ZFAND3: variants seen among roughly 807,000 people sequenced by gnomAD.
The protein encoded by ZFAND3 is zinc finger AN1-type containing 3, also known as AN1-type zinc finger protein 3.
In ZFAND3, 10 loss-of-function variants were observed where a neutral mutation model predicts 29.6. The observed-to-expected ratio is 0.34, with a 90% CI of 0.21 to 0.57. ZFAND3 has a LOEUF of 0.57. ZFAND3 is among the 20% of genes least tolerant of loss of function. The pLI is 0.86. For synonymous variants in ZFAND3, 128 were observed against 112.6 expected (o/e 1.14, Z -0.87); for missense variants, 230 against 304.5 (o/e 0.76, Z 1.82).
intron 2 of ZFAND3, among the ~76,000 whole-genome samples, chr6:37,950,472 G>C (rs769675379): frequency 1.3e-5 from 2 of 151,638 alleles, no homozygotes; most frequent in African/African-American, 4.8e-5. Flanking sequence ...CTGCCCCCTA[G>C]GTTCAAGAGA....
chr6:38,144,202 TATATATATAATATATA>T (rs1766039170), intron 5 of ZFAND3, among the ~76,000 whole-genome samples: 2 of 41,190 alleles, frequency 4.9e-5, no homozygotes, highest in Admixed American at 1.9e-4. Flanking sequence ...TATATATATA[TATATATATAATATATA>T]ATATATATAT....
At chr6:37,873,430 GCTAGAGC>G (rs1461339397) in intron 1 of ZFAND3, among the ~76,000 whole-genome samples, 1 of 152,202 alleles carries the variant, frequency 6.6e-6, no homozygotes. Flanking sequence ...TTGCTTGCTT[GCTAGAGC>G]CTGTCGAATT....
intron 2 of ZFAND3, among the ~76,000 whole-genome samples, chr6:38,051,472 C>A (rs1198094507): frequency 6.6e-6 from 1 of 152,216 alleles, no homozygotes; most frequent in African/African-American, 2.4e-5. Flanking sequence ...CCAGCAGTTA[C>A]GTTCATGCCA....
At position 37,908,540 on chromosome 6, in the gene ZFAND3, A is replaced by AT. The variant is rs756054734; in HGVS notation, c.72-21417dup. Among the ~76,000 whole-genome samples the AT allele has an allele frequency of 7.3e-3, 598 of 81,714 alleles. 4 individuals are homozygous for AT. Among genetic ancestry groups the AT allele is most frequent in the Non-Finnish European group, 0.013 (482 of 37,270 alleles). The allele number at this position is 81,714 out of a possible 152,430, so 53.6% of individuals were successfully genotyped here. A position where few individuals can be genotyped will look rare whatever the true frequency, so the allele number is the denominator to read the frequency against. On this transcript the variant is annotated intron_variant, in intron 1 of 5. Transcript: ENST00000287218. Reference sequence around the variant, plus strand: ...ACTTAAAGTATAATTAAAAAAAAAAATTAAAAAAAAAAAAAAAAAGAAAAA... The same window carrying AT: ...ACTTAAAGTATAATTAAAAAAAAAAATTTAAAAAAAAAAAAAAAAAGAAAAA...
At chr6:37,911,359 C>T (rs1479231619) in intron 1 of ZFAND3, among the ~76,000 whole-genome samples, 1 of 152,108 alleles carries the variant, frequency 6.6e-6, no homozygotes, top group Non-Finnish European at 1.5e-5. Flanking sequence ...AATGTCTATT[C>T]AGATCATTTG....
intron 1 of ZFAND3, among the ~76,000 whole-genome samples, chr6:37,850,353 C>G (rs1001290976): frequency 2.6e-5 from 4 of 151,446 alleles, no homozygotes; most frequent in African/African-American, 9.7e-5. Context: ...AACAAATATT[C>G]TGCTGTTTAC....
At chr6:37,998,642 C>T (rs59450336) in intron 2 of ZFAND3, among the ~76,000 whole-genome samples, 10,833 of 152,098 alleles carry the variant, frequency 0.071, 453 homozygotes, top group Non-Finnish European at 0.087. Context: ...TGTATTCTAG[C>T]TGATGAAGTT....
At chr6:38,063,080 T>C (rs1764273789) in intron 3 of ZFAND3, among the ~76,000 whole-genome samples, 1 of 152,146 alleles carries the variant, frequency 6.6e-6, no homozygotes. Context: ...GACCTGGCCT[T>C]TTTTTTCTTT....
chr6:37,891,593 TAATAAATA>T (rs553817148), intron 1 of ZFAND3, among the ~76,000 whole-genome samples: 1 of 131,020 alleles, frequency 7.6e-6, no homozygotes, highest in Non-Finnish European at 1.8e-5. Context: ...AATAAATAAA[TAATAAATA>T]AATAAATAAA....
intron 2 of ZFAND3, among the ~76,000 whole-genome samples, chr6:37,931,274 C>T (rs775403591): frequency 4.6e-5 from 7 of 152,154 alleles, no homozygotes; most frequent in Non-Finnish European, 7.3e-5. Context: ...TCTTCAGATG[C>T]TGGCTAGAAC....
chr6:37,908,698 C>A (rs1765461211), intron 1 of ZFAND3, among the ~76,000 whole-genome samples: 1 of 148,376 alleles, frequency 6.7e-6, no homozygotes, highest in South Asian at 2.1e-4. Context: ...CATCTGTATC[C>A]TTTGCAATAT....
intron 2 of ZFAND3, among the ~76,000 whole-genome samples, chr6:37,974,406 T>C (rs1037240156): frequency 1.6e-4 from 24 of 147,978 alleles, no homozygotes; most frequent in Non-Finnish European, 3.6e-4. Flanking sequence ...CTCTCTCTTT[T>C]TTTTTTTTTT....
At chr6:37,831,338 C>T (rs1763856863) in intron 1 of ZFAND3, among the ~76,000 whole-genome samples, 1 of 152,284 alleles carries the variant, frequency 6.6e-6, no homozygotes, top group Admixed American at 6.5e-5. Context: ...AGACTGATGC[C>T]ACCTTATTAA....
At chr6:37,844,434 A>G (rs887340554) in intron 1 of ZFAND3, among the ~76,000 whole-genome samples, 2 of 151,656 alleles carry the variant, frequency 1.3e-5, no homozygotes, top group Non-Finnish European at 2.9e-5. Flanking sequence ...GGCGCCCGCC[A>G]CCACACCCGG....
At position 38,065,984 on chromosome 6, in the gene ZFAND3, CAT is replaced by C. The variant is rs1315006256; in HGVS notation, c.295+4212_295+4213del. Among the ~76,000 whole-genome samples, 3 of 152,274 alleles carry C rather than the reference CAT, an allele frequency of 2.0e-5. No homozygotes were observed. In the East Asian group the frequency reaches 5.8e-4, roughly 29 times the overall value. On this transcript the variant is annotated intron_variant, in intron 3 of 5. Transcript: ENST00000287218. ...AATAAGGAGGTCACCTTTTTGACTACATATGTCTCTCCCTGGGAGTCTGGCTT... is the reference window on the plus strand; with the variant it reads ...AATAAGGAGGTCACCTTTTTGACTACATGTCTCTCCCTGGGAGTCTGGCTT...
intron 1 of ZFAND3, among the ~76,000 whole-genome samples, chr6:37,907,988 A>G (rs776623841): frequency 2.0e-5 from 3 of 152,232 alleles, no homozygotes; most frequent in Non-Finnish European, 4.4e-5. Context: ...CATGTCAGCT[A>G]CTTTATAGTC....
At chr6:37,911,261 G>A (rs1397428836) in intron 1 of ZFAND3, among the ~76,000 whole-genome samples, 1 of 152,112 alleles carries the variant, frequency 6.6e-6, no homozygotes, top group Non-Finnish European at 1.5e-5. Context: ...CTATTCCACT[G>A]CAGTTTTAAT....
rs180767183 is a variant in ZFAND3, at chr6:37,916,318, G to C, written c.72-13641G>C. On this transcript the variant is annotated intron_variant, in intron 1 of 5. Transcript: ENST00000287218. Reference sequence around the variant, plus strand: ...CAGGGTTTCCATAAACCCTCAACTTGTAAAAAGTACAGTACCTCCAAAGTG... The same window carrying C: ...CAGGGTTTCCATAAACCCTCAACTTCTAAAAAGTACAGTACCTCCAAAGTG... Among the ~76,000 whole-genome samples, 389 of 152,202 alleles carry C rather than the reference G, an allele frequency of 2.6e-3. 12 individuals carry two copies. The highest frequency in any genetic ancestry group is 0.024 in the Admixed American group (373 of 15,296).
chr6:38,073,464 A>C (rs1278047139), intron 3 of ZFAND3, among the ~76,000 whole-genome samples: 1 of 152,192 alleles, frequency 6.6e-6, no homozygotes, highest in Non-Finnish European at 1.5e-5. Context: ...AGCCTTAGTT[A>C]AGCCTGTAAA....
Sources: allele counts gnomAD v4.1 joint callset (sites outside exome capture counted in the v4.1 genomes callset), GRCh38; gene constraint gnomAD v4.1.1; transcripts MANE v1.5; gene names NCBI Gene and HGNC (gene_info 2026-07-23, HGNC 2026-07-21).